Variants in TNFRSF4 observed in about 807,000 individuals in gnomAD.
The protein encoded by TNFRSF4 is TNF receptor superfamily member 4.
A neutral mutation model predicts 29.5 loss-of-function variants in TNFRSF4; 21 were observed. That is an observed-to-expected ratio of 0.71 (90% CI 0.51 to 1.03). TNFRSF4 has a LOEUF of 1.03. TNFRSF4 is among the 50% of genes least tolerant of loss of function. The pLI is 0.00. For synonymous variants in TNFRSF4, 197 were observed against 172.7 expected, an observed-to-expected ratio of 1.14 and a Z score of -1.10; for missense variants, 408 against 387.8, an observed-to-expected ratio of 1.05 and a Z score of -0.44.
chr1:1,213,237 G>A (rs1420478438), intron 2 of TNFRSF4, 144 bp from the exon 3 acceptor site: 5 of 1,533,976 alleles, frequency 3.3e-6, no homozygotes, highest in Non-Finnish European at 4.4e-6. Flanking sequence ...GAGACTTGGA[G>A]CCCCTGCAGC....
chr1:1,212,375 G>A (rs1487938324), intron 4 of TNFRSF4, among the ~76,000 whole-genome samples: 1 of 147,318 alleles, frequency 6.8e-6, no homozygotes, highest in East Asian at 2.0e-4. Context: ...TGTGCCCCCA[G>A]GGCCTCCCAG....
At position 1,212,152 on chromosome 1, in the gene TNFRSF4, G is replaced by A; in HGVS notation, c.438-14C>T. The A allele has an allele frequency of 6.2e-7, 1 of 1,612,200 alleles. No homozygotes were observed. Among genetic ancestry groups the A allele is most frequent in the Non-Finnish European group, 8.5e-7 (1 of 1,179,662 alleles). Reference sequence around the variant, plus strand: ...GCCAAGGTGCAGCTGTTGGGGAACAGGAGGTGTTGCTCAGGCCAGAAACCC... The same window carrying A: ...GCCAAGGTGCAGCTGTTGGGGAACAAGAGGTGTTGCTCAGGCCAGAAACCC... On this transcript the variant is annotated splice_polypyrimidine_tract_variant and intron_variant, in intron 4 of 6. Transcript: ENST00000379236.
Position 1,212,689 on chromosome 1 carries a change from G to A in TNFRSF4, c.386C>T (p.Pro129Leu). The A allele has an allele frequency of 6.4e-7, 1 of 1,565,172 alleles. No individual in the cohort carries two copies. Among genetic ancestry groups the A allele is most frequent in the Non-Finnish European group, 8.6e-7 (1 of 1,158,538 alleles). ...GTCGCCTGGGGAGAAGTGCCCTGGA[G>A]GGCAGGGGGCACAGTCTGCAACAAA... Reference protein sequence around the residue: ...YKPGVDCAPCPPGHFSPGDNQ... With the variant: ...YKPGVDCAPCLPGHFSPGDNQ... Residue 129 changes from proline to leucine, a missense_variant, in exon 4 of 7, where the codon CCT (proline) becomes CTT (leucine). By Grantham distance (98) the Pro-to-Leu change is moderately conservative. Coordinates refer to ENST00000379236, the MANE Select transcript of TNFRSF4 (RefSeq NM_003327.4).
Position 1,214,039 on chromosome 1 carries a change from T to C in TNFRSF4, c.89A>G (p.His30Arg). The C allele has an allele frequency of 1.2e-6, 2 of 1,603,716 alleles. No individual in the cohort carries two copies. The highest frequency in any genetic ancestry group is 1.7e-6 in the Non-Finnish European group (2 of 1,177,660). ...GCTGGGGTAGGTGTCCCCGACACAG[T>C]GGAGCCCCGTCACGGTGCTCAGCCC... ...GLGLSTVTGLHCVGDTYPSND... is the reference protein window; with the variant it reads ...GLGLSTVTGLRCVGDTYPSND... Residue 30 changes from histidine (H) to arginine (R), a missense_variant, in exon 1 of 7, where the codon CAC becomes CGC. Coordinates refer to ENST00000379236, the MANE Select transcript of TNFRSF4 (RefSeq NM_003327.4). The surrounding 1 kb of genome is among the most constrained non-coding windows in gnomAD (Gnocchi z 4.2).
intron 5 of TNFRSF4, 28 bp from the exon 6 acceptor site, chr1:1,211,860 T>C (rs1256957745): frequency 1.3e-6 from 2 of 1,521,570 alleles, no homozygotes; most frequent in Admixed American, 4.2e-5. Flanking sequence ...CTGGGTGGGG[T>C]CCACAGGAGG....
chr1:1,211,854 G>A (rs977454511), intron 5 of TNFRSF4, 22 bp from the exon 6 acceptor site: 66 of 1,530,808 alleles, frequency 4.3e-5, no homozygotes, highest in Non-Finnish European at 5.2e-5. Flanking sequence ...GGTCTGCTGG[G>A]TGGGGTCCAC....
Position 1,213,748 on chromosome 1 carries a change from G to A in TNFRSF4, c.183C>T (p.Asn61=), listed in dbSNP as rs1649323721. ...CCGGCCCGCACGGACGGCACACCGT[G>A]TTCTGGGAGCGGCTGCAGCGGCTCA... ...GMVSRCSRSQ[N]TVCRPCGPGF... The change falls in exon 2 of 7, where the codon AAC becomes AAT. Residue 61 remains asparagine (N), a synonymous_variant. Transcript: ENST00000379236. The A allele has an allele frequency of 6.2e-7, 1 of 1,603,520 alleles. No homozygotes were observed. Among genetic ancestry groups the A allele is most frequent in the African/African-American group, 1.3e-5 (1 of 74,812 alleles).
rs1262507977 is a variant in TNFRSF4, at chr1:1,211,478, G to T, written c.*77C>A. On this transcript the variant is annotated 3_prime_UTR_variant, in exon 7 of 7. Transcript: ENST00000379236. ...AGGAGCGTGGCGGGGCAGGCGGCCTGCACCTGCCCTGCTCGCCCAGCAGAC... is the reference window on the plus strand; with the variant it reads ...AGGAGCGTGGCGGGGCAGGCGGCCTTCACCTGCCCTGCTCGCCCAGCAGAC... 1 of 1,364,952 alleles carries T rather than the reference G, an allele frequency of 7.3e-7. No individual in the cohort carries two copies. Among genetic ancestry groups the T allele is most frequent in the East Asian group, 2.8e-5 (1 of 35,726 alleles). 84.6% of individuals were successfully genotyped at this position (1,364,952 alleles called of 1,614,324 possible).
chr1:1,212,142 T>C lies in TNFRSF4; in HGVS notation c.438-4A>G. The C allele has an allele frequency of 3.1e-6, 5 of 1,612,452 alleles. No homozygotes were observed. In the South Asian group the frequency reaches 4.4e-5, roughly 14 times the overall value. On this transcript the variant is annotated splice_region_variant and splice_polypyrimidine_tract_variant and intron_variant, in intron 4 of 6. Transcript: ENST00000379236. ...GTGCTTCCCAGCCAAGGTGCAGCTGTTGGGGAACAGGAGGTGTTGCTCAGG... is the reference window on the plus strand; with the variant it reads ...GTGCTTCCCAGCCAAGGTGCAGCTGCTGGGGAACAGGAGGTGTTGCTCAGG...
intron 4 of TNFRSF4, among the ~76,000 whole-genome samples, 182 bp from the exon 5 acceptor site, chr1:1,212,320 C>T (rs921952240): frequency 6.6e-6 from 1 of 152,092 alleles, no homozygotes; most frequent in Non-Finnish European, 1.5e-5. Context: ...CAAGGCCACA[C>T]ACCCTTCTCC....
intron 2 of TNFRSF4, 65 bp from the exon 3 acceptor site, chr1:1,213,158 G>A: frequency 6.5e-7 from 1 of 1,548,826 alleles, no homozygotes; most frequent in Non-Finnish European, 8.7e-7. Context: ...CAGGAAGCGT[G>A]GGCACTGGAG....
intron 1 of TNFRSF4, 66 bp from the exon 2 acceptor site, chr1:1,213,851 C>A: frequency 6.6e-7 from 1 of 1,509,278 alleles, no homozygotes; most frequent in African/African-American, 1.4e-5. Context: ...CCCCCCCAGG[C>A]GGCTCCTCTG....
intron 4 of TNFRSF4, among the ~76,000 whole-genome samples, 172 bp downstream of exon 4, chr1:1,212,466 A>G (rs1007238203): frequency 3.3e-5 from 5 of 150,830 alleles, no homozygotes; most frequent in African/African-American, 1.2e-4. Flanking sequence ...CTGCTCCCCA[A>G]CCAGGTCCAG....
chr1:1,213,882 A>AACCC, intron 1 of TNFRSF4, 97 bp from the exon 2 acceptor site: 1 of 1,265,984 alleles, frequency 7.9e-7, no homozygotes, highest in Non-Finnish European at 1.0e-6. Context: ...CCGGCCCCTC[A>AACCC]CCCGCCCCCT....
At chr1:1,212,827 C>A in intron 3 of TNFRSF4, 123 bp from the exon 4 acceptor site, 1 of 1,209,462 alleles carries the variant, frequency 8.3e-7, no homozygotes, top group Non-Finnish European at 1.1e-6. Flanking sequence ...CCTCTGGAAG[C>A]CCTCCCTGCC....
In TNFRSF4 at chr1:1,212,600, C is replaced by G. The variant is rs750304065; in HGVS notation, c.437+38G>C. The G allele has an allele frequency of 6.0e-6, 8 of 1,344,160 alleles. 1 individual carries two copies. In the East Asian group the frequency reaches 1.5e-4, roughly 25 times the overall value. 83.3% of individuals were successfully genotyped at this position (1,344,160 alleles called of 1,614,324 possible). Reference sequence around the variant, plus strand: ...TCCGCCCTCCTAACCACCCCAACCCCCCCCCAGCCCCTCCCAGCCCCTGGC... The same window carrying G: ...TCCGCCCTCCTAACCACCCCAACCCGCCCCCAGCCCCTCCCAGCCCCTGGC... On this transcript the variant is annotated intron_variant, in intron 4 of 6. Coordinates refer to ENST00000379236, the MANE Select transcript of TNFRSF4 (RefSeq NM_003327.4).
rs192161602 is a variant in TNFRSF4 at position 1,211,682 on chromosome 1, G to A, written c.763+22C>T. On this transcript the variant is annotated intron_variant, in intron 6 of 6. Coordinates refer to ENST00000379236, the MANE Select transcript of TNFRSF4 (RefSeq NM_003327.4). ...GGGCCTCACCCGCCAGGAGCAGTGC[G>A]GCAGGGCCATGAGGCACTCACCAGG... 4.3e-5 allele frequency: 68 copies of A among 1,588,004 alleles called. No homozygotes were observed. In the East Asian group the frequency reaches 1.1e-3, roughly 26 times the overall value.
intron 5 of TNFRSF4, 41 bp from the exon 6 acceptor site, chr1:1,211,873 C>G (rs960145076): frequency 4.0e-6 from 6 of 1,509,996 alleles, no homozygotes; most frequent in Non-Finnish European, 5.3e-6. Context: ...ACAGGAGGGG[C>G]CCCCATGCCG....
Position 1,214,103 on chromosome 1 carries a change from C to A in TNFRSF4, c.25G>T (p.Gly9Cys), listed in dbSNP as rs1396484290. 1.9e-6 allele frequency: 3 copies of A among 1,584,946 alleles called. No homozygotes were observed. The change falls in exon 1 of 7, where the codon GGC becomes TGC. Residue 9 changes from glycine to cysteine, a missense_variant. Physicochemically the swap from Gly to Cys is radical, Grantham distance 159 (BLOSUM62 -3). Transcript: ENST00000379236. This position sits in a 1 kb window ranked among gnomAD's most constrained non-coding sequence, Gnocchi z 4.2. MCVGARRL[G>C]RGPCAALLLL... is the part of the protein sequence containing the mutation. Reference sequence around the variant, plus strand: ...AGCAGAGCCGCACACGGCCCGCGGCCCAGCCGCCGAGCCCCCACGCACATC... The same window carrying A: ...AGCAGAGCCGCACACGGCCCGCGGCACAGCCGCCGAGCCCCCACGCACATC...
Sources: allele counts gnomAD v4.1 joint callset (sites outside exome capture counted in the v4.1 genomes callset), GRCh38; gene constraint gnomAD v4.1.1; non-coding constraint Gnocchi (gnomAD v3.1); transcripts MANE v1.5; gene names NCBI Gene and HGNC (gene_info 2026-07-23, HGNC 2026-07-21).